The following MAP3K14 variants were observed in gnomAD, a reference collection of about 807,000 sequenced individuals.
MAP3K14 encodes NF-kappa-beta-inducing kinase.
Under a neutral mutation model 99.2 loss-of-function variants are expected in MAP3K14, and 16 were observed. The observed-to-expected ratio is 0.16, with a 90% CI of 0.11 to 0.24. MAP3K14 has a LOEUF of 0.24. MAP3K14 is among the 10% of genes least tolerant of loss of function. The probability of loss-of-function intolerance (pLI) is 1.00; values close to 1 mark genes in which losing one functional copy is unlikely to be tolerated. For missense variants in MAP3K14, 784 were observed against 1,208.7 expected (o/e 0.65, Z 5.21); for synonymous variants, 462 against 492.4 (o/e 0.94, Z 0.82).
chr17:45,268,783 G>A (rs569781188), intron 11 of MAP3K14, among the ~76,000 whole-genome samples: 3 of 152,192 alleles, frequency 2.0e-5, no homozygotes, highest in South Asian at 2.1e-4. Context: ...GCTGTAGTGC[G>A]CGTCCTCAGG....
At chr17:45,283,666 A>C (rs1456445669) in intron 6 of MAP3K14, among the ~76,000 whole-genome samples, 1 of 152,088 alleles carries the variant, frequency 6.6e-6, no homozygotes, top group Non-Finnish European at 1.5e-5. Context: ...GGTGCTCCAA[A>C]AGTTTTGGAT....
chr17:45,274,574 C>T lies in MAP3K14; in HGVS notation c.1310G>A (p.Arg437Gln), dbSNP rs1265416408. Residue 437 changes from arginine (R) to glutamine (Q), a missense_variant, in exon 7 of 16, where the codon CGG becomes CAG. Around this residue, in one of 5 missense-constraint regions of MAP3K14, gnomAD observed 200 missense variants for 367.9 expected, o/e 0.54. Coordinates refer to ENST00000344686, the MANE Select transcript of MAP3K14 (RefSeq NM_003954.5). ...TGCACATGCCATCAGCTCCTCTGCC[C>T]GAAATACTTCCAGCCGCACCTGCAA... ...AVKKVRLEVF[R>Q]AEELMACAGL... 1 of 1,613,782 alleles carries T rather than the reference C, an allele frequency of 6.2e-7. No individual in the cohort carries two copies. The highest frequency in any genetic ancestry group is 8.5e-7 in the Non-Finnish European group (1 of 1,179,884).
chr17:45,267,853 G>C lies in MAP3K14; in HGVS notation c.1973-94C>G. 3 of 1,093,538 alleles carry C rather than the reference G, an allele frequency of 2.7e-6. No individual in the cohort carries two copies. Among genetic ancestry groups the C allele is most frequent in the Admixed American group, 4.5e-5 (2 of 44,850 alleles). The allele number at this position is 1,093,538 out of a possible 1,614,324, so 67.7% of individuals were successfully genotyped here. A position where few individuals can be genotyped will look rare whatever the true frequency, so the allele number is the denominator to read the frequency against. On this transcript the variant is annotated intron_variant, in intron 11 of 15. Transcript: ENST00000344686. This position sits in a 1 kb window ranked among gnomAD's most constrained non-coding sequence, Gnocchi z 5.1. The stretch of plus-strand genomic sequence containing the variant: ...GCCTCTCCTGAGTGCAGAAGGGCTA[G>C]AGGCAAACAAAGGGGAGGACACTGC...
At chr17:45,285,334 T>C (rs1473290716) in intron 5 of MAP3K14, among the ~76,000 whole-genome samples, 1 of 151,550 alleles carries the variant, frequency 6.6e-6, no homozygotes, top group African/African-American at 2.4e-5. Context: ...ATGTTAAAAG[T>C]GGATGGAGGG....
chr17:45,274,371 T>C (rs1022028502), intron 7 of MAP3K14, 93 bp downstream of exon 7: 1 of 1,583,104 alleles, frequency 6.3e-7, no homozygotes, highest in African/African-American at 1.3e-5. Flanking sequence ...AGGTTAACAA[T>C]GGATAGATCA....
chr17:45,301,290 C>G (rs2044386290), intron 1 of MAP3K14, among the ~76,000 whole-genome samples: 1 of 151,972 alleles, frequency 6.6e-6, no homozygotes, highest in Non-Finnish European at 1.5e-5. Flanking sequence ...ACAGAGAAAC[C>G]CCGTCTCTAC....
intron 1 of MAP3K14, among the ~76,000 whole-genome samples, chr17:45,292,881 T>C (rs780248209): frequency 6.6e-6 from 1 of 152,198 alleles, no homozygotes; most frequent in Non-Finnish European, 1.5e-5. Flanking sequence ...CAGTGGAGAC[T>C]TGCCCAAGGT....
intron 6 of MAP3K14, among the ~76,000 whole-genome samples, chr17:45,280,584 C>T (rs370934663): frequency 5.3e-5 from 8 of 151,834 alleles, no homozygotes; most frequent in Non-Finnish European, 7.4e-5. Flanking sequence ...GGATTACAGG[C>T]GTGAGCCACC....
intron 14 of MAP3K14, 156 bp downstream of exon 14, chr17:45,266,381 C>T (rs1212069897): frequency 1.5e-5 from 14 of 931,738 alleles, no homozygotes; most frequent in Non-Finnish European, 1.7e-5. Context: ...TGCTTGAAAC[C>T]CAACTTACTG....
At chr17:45,275,425 A>T (rs572570669) in intron 6 of MAP3K14, among the ~76,000 whole-genome samples, 1 of 150,686 alleles carries the variant, frequency 6.6e-6, no homozygotes, top group African/African-American at 2.4e-5. Flanking sequence ...CCAAGGTCGC[A>T]ATAAGCCGAG....
At chr17:45,290,913 T>C in intron 1 of MAP3K14, 148 bp from the exon 2 acceptor site, 1 of 687,172 alleles carries the variant, frequency 1.5e-6, no homozygotes, top group Non-Finnish European at 2.5e-6. Context: ...CCTCCAAACA[T>C]CCTCAATGGT....
intron 1 of MAP3K14, among the ~76,000 whole-genome samples, chr17:45,314,202 C>T (rs1265582057): frequency 6.6e-6 from 1 of 152,236 alleles, no homozygotes; most frequent in Non-Finnish European, 1.5e-5. Context: ...CTGCTCAGCT[C>T]AACAGAAATG....
At chr17:45,289,396 G>C (rs1320950943) in intron 2 of MAP3K14, 91 bp from the exon 3 acceptor site, 2 of 1,014,768 alleles carry the variant, frequency 2.0e-6, no homozygotes, top group East Asian at 5.0e-5. Flanking sequence ...CCCCTCTGGC[G>C]CCTCTCCTTC....
At chr17:45,264,856 A>G in intron 15 of MAP3K14, 56 bp from the exon 16 acceptor site, 1 of 1,561,268 alleles carries the variant, frequency 6.4e-7, no homozygotes, top group Non-Finnish European at 8.7e-7. Flanking sequence ...CAAGCCATGT[A>G]GAAAGGTAAA....
At chr17:45,315,490 G>A (rs1163700139) in intron 1 of MAP3K14, among the ~76,000 whole-genome samples, 1 of 152,154 alleles carries the variant, frequency 6.6e-6, no homozygotes, top group Non-Finnish European at 1.5e-5. Context: ...AAGGATGTCC[G>A]AAAGGTGTCT....
chr17:45,270,319 G>A, intron 11 of MAP3K14, 94 bp downstream of exon 11: 1 of 1,446,298 alleles, frequency 6.9e-7, no homozygotes. Flanking sequence ...CTAAGGCTCT[G>A]AGGGGTGCCT....
intron 1 of MAP3K14, among the ~76,000 whole-genome samples, chr17:45,302,708 T>A (rs1039647069): frequency 6.6e-6 from 1 of 152,234 alleles, no homozygotes; most frequent in Admixed American, 6.5e-5. Context: ...TGGGGCTTTA[T>A]AAATATGTGA....
At chr17:45,288,378 TG>T (rs778889793) in intron 3 of MAP3K14, among the ~76,000 whole-genome samples, 144 of 99,160 alleles carry the variant, frequency 1.5e-3, no homozygotes, top group Non-Finnish European at 2.5e-3. Context: ...CTTGAACTCT[TG>T]TTTTTTTTTT....
intron 6 of MAP3K14, among the ~76,000 whole-genome samples, chr17:45,274,875 T>C (rs1008588063): frequency 2.0e-5 from 3 of 152,200 alleles, no homozygotes; most frequent in Non-Finnish European, 4.4e-5. Context: ...CAGTGGCTCA[T>C]GCCTATAATC....
Sources: gnomAD v4.1 joint callset for allele counts (sites outside exome capture counted in the v4.1 genomes callset) on GRCh38, gnomAD v4.1.1 for gene constraint, gnomAD v4.1.1 regional missense constraint, Gnocchi (gnomAD v3.1) non-coding constraint, MANE v1.5 for transcripts, NCBI Gene and HGNC (gene_info 2026-07-23, HGNC 2026-07-21) for gene names.